MICU3: variants seen among roughly 807,000 people sequenced by gnomAD.
MICU3 encodes mitochondrial calcium uptake 3.
A neutral mutation model predicts 66.5 loss-of-function variants in MICU3; 62 were observed. The observed-to-expected ratio is 0.93, with a 90% CI of 0.76 to 1.15. MICU3 has a LOEUF of 1.15. Ranked by LOEUF, MICU3 falls within the 50% of genes most tolerant of loss-of-function variation. The pLI, the probability that MICU3 is intolerant of heterozygous loss-of-function variation, is 0.00. For missense variants in MICU3, 779 were observed against 664.4 expected (o/e 1.17, Z -1.90); for synonymous variants, 308 against 240.7 (o/e 1.28, Z -2.59).
chr8:17,080,558 T>C (rs1325411517), intron 4 of MICU3, among the ~76,000 whole-genome samples: 1 of 152,140 alleles, frequency 6.6e-6, no homozygotes, highest in Non-Finnish European at 1.5e-5. Flanking sequence ...TCTTCTTTCA[T>C]TTTTTGAGGG....
At chr8:17,134,632 G>C in the MICU3 span, among the ~76,000 whole-genome samples, 159 of 152,220 alleles carry the variant, frequency 1.0e-3, 1 homozygote, top group African/African-American at 3.6e-3. Flanking sequence ...TTTTAGTAGA[G>C]ACGGGGTTTC....
chr8:17,125,405 G>A (rs559997316), downstream of MICU3, among the ~76,000 whole-genome samples: 1 of 150,962 alleles, frequency 6.6e-6, no homozygotes, highest in East Asian at 2.0e-4. Context: ...TTTGTATTTT[G>A]GGTTTCTCAT....
At chr8:17,034,155 TA>T (rs1396868998) in intron 1 of MICU3, among the ~76,000 whole-genome samples, 3 of 152,224 alleles carry the variant, frequency 2.0e-5, no homozygotes, top group African/African-American at 7.2e-5. Context: ...AGAATTATGC[TA>T]AATCTATGCT....
the MICU3 span, among the ~76,000 whole-genome samples, chr8:17,129,395 T>C: frequency 6.6e-6 from 1 of 152,076 alleles, no homozygotes; most frequent in Non-Finnish European, 1.5e-5. Context: ...TGTTCAAGGG[T>C]TTAAGTAAAA....
intron 2 of MICU3, among the ~76,000 whole-genome samples, chr8:17,068,544 T>C (rs374022922): frequency 6.6e-6 from 1 of 152,214 alleles, no homozygotes; most frequent in South Asian, 2.1e-4. Context: ...TTTGCACCAG[T>C]GTCATAGTTA....
At chr8:17,126,183 T>C (rs534903514), downstream of MICU3, among the ~76,000 whole-genome samples, 1 of 152,222 alleles carries the variant, frequency 6.6e-6, no homozygotes, top group South Asian at 2.1e-4. Flanking sequence ...TCATTCCTTC[T>C]TATAGTACAA....
At chr8:17,099,278 A>G (rs1377072271) in intron 9 of MICU3, among the ~76,000 whole-genome samples, 1 of 151,790 alleles carries the variant, frequency 6.6e-6, no homozygotes, top group Admixed American at 6.6e-5. Context: ...TAGCGGTCTT[A>G]CCAGAAAAGA....
chr8:17,086,387 C>T (rs10110688), intron 6 of MICU3, among the ~76,000 whole-genome samples: 9,727 of 152,136 alleles, frequency 0.064, 1,054 homozygotes, highest in African/African-American at 0.22. Flanking sequence ...TAGGCTTAAA[C>T]TCTCACCCAC....
intron 5 of MICU3, among the ~76,000 whole-genome samples, chr8:17,082,638 A>C (rs1291849115): frequency 6.6e-6 from 1 of 152,140 alleles, no homozygotes; most frequent in Non-Finnish European, 1.5e-5. Flanking sequence ...TTAGTGAATG[A>C]ATGAAGAAAG....
intron 2 of MICU3, among the ~76,000 whole-genome samples, chr8:17,066,525 A>C (rs1357332304): frequency 1.6e-5 from 2 of 127,542 alleles, no homozygotes; most frequent in Non-Finnish European, 3.3e-5. Context: ...ATCTATATAT[A>C]TATATATATA....
chr8:17,074,929 T>G (rs986944257), intron 3 of MICU3, among the ~76,000 whole-genome samples: 3 of 152,226 alleles, frequency 2.0e-5, no homozygotes, highest in Admixed American at 6.5e-5. Flanking sequence ...TGCCCTCATT[T>G]CAGATGCTTG....
chr8:17,079,196 G>A lies in MICU3; in HGVS notation c.646+1335G>A, dbSNP rs183297836. 6.1e-5 allele frequency among the ~76,000 whole-genome samples: 9 copies of A among 147,444 alleles called. No homozygotes were observed. The East Asian group carries it at 1.2e-3, about 20-fold the overall frequency. ...AGAATCTATGCTGCACCACTATGAC[G>A]GAAATACTCTGTTTCTATGCTGTCT... On this transcript the variant is annotated intron_variant, in intron 4 of 14. Coordinates refer to ENST00000318063, the MANE Select transcript of MICU3 (RefSeq NM_181723.3).
intron 1 of MICU3, among the ~76,000 whole-genome samples, chr8:17,031,114 G>C (rs965267755): frequency 6.6e-6 from 1 of 151,786 alleles, no homozygotes; most frequent in Non-Finnish European, 1.5e-5. Context: ...GCTACTCAGG[G>C]GGCTGAGATA....
intron 9 of MICU3, among the ~76,000 whole-genome samples, chr8:17,099,179 T>G (rs1169835573): frequency 6.6e-6 from 1 of 151,730 alleles, no homozygotes; most frequent in Non-Finnish European, 1.5e-5. Context: ...CAATAGAGAT[T>G]TCTAGTTTCT....
rs768994977 is a variant in MICU3, at chr8:17,027,259, C to T, written c.-21C>T. ...CTCCGTTCTCTGCCCCCTCCCAGCT[C>T]TGGTGTGGGCGGCCTCCGCTATGGC... On this transcript the variant is annotated 5_prime_UTR_variant, in exon 1 of 15. Transcript: ENST00000318063. 1.9e-5 allele frequency: 26 copies of T among 1,402,910 alleles called. No homozygotes were observed. In the Middle Eastern group the frequency reaches 6.8e-4, roughly 37 times the overall value. 86.9% of individuals were successfully genotyped at this position (1,402,910 alleles called of 1,614,324 possible).
chr8:17,092,985 A>G (rs539312947), intron 8 of MICU3, among the ~76,000 whole-genome samples: 8 of 152,130 alleles, frequency 5.3e-5, no homozygotes, highest in African/African-American at 1.9e-4. Context: ...TACTATGGAG[A>G]TAGAGACTCT....
chr8:17,054,012 G>C (rs2150579781), intron 1 of MICU3, among the ~76,000 whole-genome samples: 1 of 152,340 alleles, frequency 6.6e-6, no homozygotes, highest in African/African-American at 2.4e-5. Context: ...TCATGTGCCA[G>C]ATCTGTGATC....
chr8:17,100,590 T>C (rs1801170810), intron 9 of MICU3, among the ~76,000 whole-genome samples: 1 of 151,626 alleles, frequency 6.6e-6, no homozygotes, highest in Non-Finnish European at 1.5e-5. Flanking sequence ...GGAAATCTAT[T>C]TGTTATATGT....
At chr8:17,066,997 A>C (rs1818825600) in intron 2 of MICU3, among the ~76,000 whole-genome samples, 1 of 152,206 alleles carries the variant, frequency 6.6e-6, no homozygotes, top group African/African-American at 2.4e-5. Context: ...CCATAACTTA[A>C]GAGTAAAAAA....
Sources: allele counts gnomAD v4.1 joint callset (sites outside exome capture counted in the v4.1 genomes callset), GRCh38; gene constraint gnomAD v4.1.1; transcripts MANE v1.5; gene names NCBI Gene and HGNC (gene_info 2026-07-23, HGNC 2026-07-21).